Variants in ALDOA observed in about 807,000 individuals in gnomAD.
The protein encoded by ALDOA is aldolase, fructose-bisphosphate A.
Under a neutral mutation model 43.9 loss-of-function variants are expected in ALDOA, and 26 were observed. The observed-to-expected ratio is 0.59, with a 90% CI of 0.43 to 0.82. ALDOA has a LOEUF of 0.82. ALDOA is among the 40% of genes least tolerant of loss of function. The pLI, the probability that ALDOA is intolerant of heterozygous loss-of-function variation, is 0.00. For synonymous variants in ALDOA, 258 were observed against 222.6 expected (o/e 1.16, Z -1.42); for missense variants, 498 against 549.5 (o/e 0.91, Z 0.94).
chr16:30,067,743 C>T (rs1469844742), intron 4 of ALDOA, 82 bp downstream of exon 4: 1 of 1,535,254 alleles, frequency 6.5e-7, no homozygotes, highest in Admixed American at 1.7e-5. Context: ...GGAATGAATG[C>T]TGGATTGGTG....
chr16:30,067,744 T>C, intron 4 of ALDOA, 83 bp downstream of exon 4: 4 of 1,527,584 alleles, frequency 2.6e-6, no homozygotes, highest in Non-Finnish European at 3.6e-6. Context: ...GAATGAATGC[T>C]GGATTGGTGG....
At position 30,066,907 on chromosome 16, in the gene ALDOA, C is replaced by A; in HGVS notation, c.10C>A (p.Arg4Ser). Residue 4 changes from arginine (R) to serine (S), a missense_variant, in exon 2 of 10, where the codon CGC becomes AGC. By Grantham distance (110) the Arg-to-Ser change is moderately radical. Coordinates refer to ENST00000642816, the MANE Select transcript of ALDOA (RefSeq NM_001243177.4). MAR[R>S]KPEGSSFNMT... ...CAGGCAAGGTGACCCCATGGCAAGG[C>A]GCAAGCCAGAAGGGTCCAGCTTCAA... The A allele has an allele frequency of 6.5e-7, 1 of 1,550,378 alleles. No homozygotes were observed. Among genetic ancestry groups the A allele is most frequent in the Admixed American group, 2.0e-5 (1 of 50,966 alleles).
chr16:30,068,466 A>G (rs981357433), intron 4 of ALDOA, 180 bp from the exon 5 acceptor site: 1 of 705,592 alleles, frequency 1.4e-6, no homozygotes, highest in Admixed American at 2.0e-5. Flanking sequence ...GGGGCTAAAG[A>G]AGAGGAAAGA....
At chr16:30,067,863 T>G in intron 4 of ALDOA, 2 of 660,572 alleles carry the variant, frequency 3.0e-6, no homozygotes, top group South Asian at 3.6e-5. Context: ...CATGAAAATC[T>G]CAGAAGCTCA....
Position 30,070,125 on chromosome 16 carries a change from C to A in ALDOA, c.1170C>A (p.Ser390Arg). 1 of 1,614,068 alleles carries A rather than the reference C, an allele frequency of 6.2e-7. No individual in the cohort carries two copies. Among genetic ancestry groups the A allele is most frequent in the South Asian group, 1.1e-5 (1 of 91,086 alleles). The change falls in exon 10 of 10, where the codon AGC becomes AGA. Residue 390 changes from serine (S) to arginine (R), a missense_variant. Transcript: ENST00000642816. ...EEYVKRALAN[S>R]LACQGKYTPS... ...CCCCTCTCCCTGCTTAGGCCAACAG[C>A]CTTGCCTGTCAAGGAAAGTACACTC...
chr16:30,065,208 C>T (rs933865083), upstream of ALDOA, among the ~76,000 whole-genome samples: 5 of 152,230 alleles, frequency 3.3e-5, no homozygotes, highest in Non-Finnish European at 1.5e-5. Context: ...CCTCTCGATG[C>T]CCTTTCCTCC....
At chr16:30,067,913 C>A in intron 4 of ALDOA, 1 of 556,244 alleles carries the variant, frequency 1.8e-6, no homozygotes, top group Non-Finnish European at 3.2e-6. Flanking sequence ...TGGCAGAGCC[C>A]CAGTCTGACA....
chr16:30,067,113 T>TG lies in ALDOA; in HGVS notation c.141+78dup. ...GGACCAGAAGTGCCCCAGGGCCTGC[T>TG]GGGTGTGGGGCAGGGGAGGTAGGGA... On this transcript the variant is annotated intron_variant, in intron 2 of 9. Coordinates refer to ENST00000642816, the MANE Select transcript of ALDOA (RefSeq NM_001243177.4). 3 of 1,572,332 alleles carry TG rather than the reference T, an allele frequency of 1.9e-6. No homozygotes were observed. In the South Asian group the frequency reaches 3.4e-5, roughly 18 times the overall value.
upstream of ALDOA, among the ~76,000 whole-genome samples, chr16:30,065,306 A>G (rs912793620): frequency 2.6e-5 from 4 of 152,162 alleles, no homozygotes; most frequent in Non-Finnish European, 4.4e-5. Flanking sequence ...CGACTGCGCG[A>G]TGTGGCCCCT....
chr16:30,067,004 T>C lies in ALDOA; in HGVS notation c.107T>C (p.Leu36Pro), dbSNP rs779460013. 1 of 1,568,028 alleles carries C rather than the reference T, an allele frequency of 6.4e-7. No homozygotes were observed. The highest frequency in any genetic ancestry group is 2.4e-5 in the East Asian group (1 of 42,016). The change falls in exon 2 of 10, where the codon CTG becomes CCG. Residue 36 changes from leucine (L) to proline (P), a missense_variant. Leu to Pro is a moderately conservative substitution (Grantham distance 98). Transcript: ENST00000642816. ...GCCAGTGGGCAACTCCACCCTCAGCTGGGCAACACCCAGCACCAGACAGAG... is the reference window on the plus strand; with the variant it reads ...GCCAGTGGGCAACTCCACCCTCAGCCGGGCAACACCCAGCACCAGACAGAG... ...PVASGQLHPQ[L>P]GNTQHQTELG...
chr16:30,067,785 C>A, intron 4 of ALDOA, 124 bp downstream of exon 4: 1 of 1,104,114 alleles, frequency 9.1e-7, no homozygotes, highest in Non-Finnish European at 1.4e-6. Context: ...CTGCTTCAGG[C>A]TTAGGGCATT....
intron 4 of ALDOA, chr16:30,068,080 T>A (rs2072183896): frequency 4.2e-6 from 1 of 237,582 alleles, no homozygotes; most frequent in African/African-American, 2.4e-5. Flanking sequence ...TTTTTTTTTT[T>A]TTGAGATGGA....
rs2151020035 is a variant in ALDOA, at chr16:30,070,267, T to C, written c.*55T>C. On this transcript the variant is annotated 3_prime_UTR_variant, in exon 10 of 10. Coordinates refer to ENST00000642816, the MANE Select transcript of ALDOA (RefSeq NM_001243177.4). ...CTCCAGGCCCTGCCCCCTCCCACTCTTGAAGAGGAGGCCGCCTCCTCGGGG... is the reference window on the plus strand; with the variant it reads ...CTCCAGGCCCTGCCCCCTCCCACTCCTGAAGAGGAGGCCGCCTCCTCGGGG... The C allele has an allele frequency of 5.1e-6, 8 of 1,571,806 alleles. No homozygotes were observed. The South Asian group carries it at 6.7e-5, about 13-fold the overall frequency.
Position 30,067,446 on chromosome 16 carries a change from C to T in ALDOA, c.275-4C>T. 1.2e-6 allele frequency: 2 copies of T among 1,613,472 alleles called. No individual in the cohort carries two copies. The highest frequency in any genetic ancestry group is 1.7e-6 in the Non-Finnish European group (2 of 1,179,980). ...ATCCCCTAATTCCCATGTGACACTC[C>T]CAGGGAGCATTGCCAAGCGGCTGCA... On this transcript the variant is annotated splice_region_variant and splice_polypyrimidine_tract_variant and intron_variant, in intron 3 of 9. Transcript: ENST00000642816.
At chr16:30,066,413 G>C (rs1377829510) in intron 1 of ALDOA, among the ~76,000 whole-genome samples, 4 of 152,222 alleles carry the variant, frequency 2.6e-5, no homozygotes, top group African/African-American at 9.6e-5. Context: ...TCTGAGCCCG[G>C]AACAGCTGCA....
intron 4 of ALDOA, 26 bp downstream of exon 4, chr16:30,067,687 G>A: frequency 1.2e-6 from 2 of 1,613,308 alleles, no homozygotes; most frequent in South Asian, 1.1e-5. Context: ...CCGGACGTGA[G>A]GTTTGAGATG....
In ALDOA at chr16:30,068,857, AGGAC is replaced by A. The variant is rs1381080310; in HGVS notation, c.585_588del (p.Asp195GlufsTer11). 6.2e-7 allele frequency: 1 copy of A among 1,614,088 alleles called. No individual in the cohort carries two copies. The highest frequency in any genetic ancestry group is 8.5e-7 in the Non-Finnish European group (1 of 1,180,038). ...TCTGAGCGCTGTGCCCAGTACAAGA[AGGAC>A]GGAGCTGACTTCGCCAAGTGGCGTT... is the stretch of plus-strand genomic sequence containing the variant. On this transcript the variant is annotated frameshift_variant, in exon 6 of 10. Transcript: ENST00000642816. LOFTEE classifies it high-confidence loss of function.
At position 30,069,487 on chromosome 16, in the gene ALDOA, G is replaced by C. The variant is rs930102805; in HGVS notation, c.787-12G>C. ...CCACCCCACTACCCACCGTGCGCCT[G>C]CTCTGCTCCAGGTGCTGGCTGCTGT... On this transcript the variant is annotated splice_polypyrimidine_tract_variant and intron_variant, in intron 7 of 9. Transcript: ENST00000642816. 28 of 1,613,964 alleles carry C rather than the reference G, an allele frequency of 1.7e-5. No individual in the cohort carries two copies. The highest frequency in any genetic ancestry group is 2.7e-5 in the African/African-American group (2 of 74,910).
chr16:30,067,423 C>A (rs1347744584), intron 3 of ALDOA, 27 bp from the exon 4 acceptor site: 2 of 1,613,490 alleles, frequency 1.2e-6, no homozygotes, highest in Non-Finnish European at 1.7e-6. Context: ...GCAGGCTGAT[C>A]CCCTAATTCC....
Sources: gnomAD v4.1 joint callset for allele counts (sites outside exome capture counted in the v4.1 genomes callset) on GRCh38, gnomAD v4.1.1 for gene constraint, MANE v1.5 for transcripts, NCBI Gene and HGNC (gene_info 2026-07-23, HGNC 2026-07-21) for gene names.